Variants in DNAH5 observed in about 807,000 individuals in gnomAD.
DNAH5 encodes axonemal beta dynein heavy chain 5.
Under a neutral mutation model 518.2 loss-of-function variants are expected in DNAH5, and 372 were observed. The observed-to-expected ratio is 0.72, with a 90% confidence interval of 0.66 to 0.78. The LOEUF is 0.78. Ranked by LOEUF, DNAH5 falls within the 30% of genes least tolerant of loss-of-function variation. The probability of loss-of-function intolerance (pLI) is 0.00; values close to 1 mark genes in which losing one functional copy is unlikely to be tolerated. For synonymous variants in DNAH5, 2,039 were observed against 2,025.9 expected (o/e 1.01, Z -0.17); for missense variants, 5,523 against 5,687.0 (o/e 0.97, Z 0.93).
At chr5:13,823,689 AT>A (rs1163338742) in intron 39 of DNAH5, among the ~76,000 whole-genome samples, 1 of 152,234 alleles carries the variant, frequency 6.6e-6, no homozygotes, top group Admixed American at 6.5e-5. Flanking sequence ...ACTTAAAAGA[AT>A]TTTTAAATTA....
At chr5:13,711,302 C>T (rs1324991809) in intron 75 of DNAH5, among the ~76,000 whole-genome samples, 1 of 152,102 alleles carries the variant, frequency 6.6e-6, no homozygotes, top group East Asian at 1.9e-4. Flanking sequence ...AAAAAGCATT[C>T]AACAAAATCC....
At chr5:13,806,659 A>C (rs886531533) in intron 47 of DNAH5, among the ~76,000 whole-genome samples, 1 of 152,230 alleles carries the variant, frequency 6.6e-6, no homozygotes, top group African/African-American at 2.4e-5. Context: ...AATATGAGAG[A>C]TAATTTGCAA....
chr5:13,796,979 G>C (rs1329122556), intron 47 of DNAH5, among the ~76,000 whole-genome samples: 1 of 152,152 alleles, frequency 6.6e-6, no homozygotes, highest in Non-Finnish European at 1.5e-5. Flanking sequence ...AAATGGTGCT[G>C]GGAAAACTGG....
At chr5:13,848,739 AC>A (rs1766405440) in intron 31 of DNAH5, among the ~76,000 whole-genome samples, 1 of 152,308 alleles carries the variant, frequency 6.6e-6, no homozygotes, top group Middle Eastern at 3.4e-3. Context: ...GGCTTGCACT[AC>A]TATGAGACCC....
chr5:13,998,126 G>T (rs1397241999), intron 1 of DNAH5, among the ~76,000 whole-genome samples: 1 of 152,182 alleles, frequency 6.6e-6, no homozygotes, highest in African/African-American at 2.4e-5. Context: ...TTACAGGCGT[G>T]AGCCACCATG....
At chr5:13,894,321 AC>A (rs1773641330) in intron 16 of DNAH5, among the ~76,000 whole-genome samples, 1 of 152,178 alleles carries the variant, frequency 6.6e-6, no homozygotes, top group Admixed American at 6.5e-5. Context: ...CCAAATCTCC[AC>A]ATCTTTCAAA....
intron 53 of DNAH5, 127 bp downstream of exon 53, chr5:13,780,702 T>A (rs1754970073): frequency 9.5e-7 from 1 of 1,057,514 alleles, no homozygotes; most frequent in East Asian, 2.5e-5. Flanking sequence ...AGATGATAAG[T>A]CAACATTCAA....
intron 1 of DNAH5, among the ~76,000 whole-genome samples, 188 bp downstream of exon 1, chr5:13,944,194 C>G (rs1327897244): frequency 6.6e-6 from 1 of 152,162 alleles, no homozygotes; most frequent in Non-Finnish European, 1.5e-5. Flanking sequence ...CCTACAGATG[C>G]AAAATTTTTT....
rs1002010454 is a variant in DNAH5 at position 13,747,775 on chromosome 5, G to A, written c.11211+3303C>T. Among the ~76,000 whole-genome samples the A allele has an allele frequency of 3.5e-4, 53 of 152,232 alleles. 1 individual carries two copies. Among genetic ancestry groups the A allele is most frequent in the Non-Finnish European group, 6.3e-4 (43 of 68,010 alleles). On this transcript the variant is annotated intron_variant, in intron 65 of 78. Coordinates refer to ENST00000265104, the MANE Select transcript of DNAH5 (RefSeq NM_001369.3). ...TTTCTTTGAGTTCTTTGTAGATTCT[G>A]GATATTAGCCCTTTGTCAGATGAGT...
At chr5:13,987,893 A>G (rs1343563506) in intron 1 of DNAH5, among the ~76,000 whole-genome samples, 2 of 124,014 alleles carry the variant, frequency 1.6e-5, no homozygotes, top group Non-Finnish European at 3.4e-5. Flanking sequence ...ATTATTCAAT[A>G]GGACCCTTCA....
intron 12 of DNAH5, among the ~76,000 whole-genome samples, chr5:13,910,045 C>A (rs1580847286): frequency 6.6e-6 from 1 of 152,268 alleles, no homozygotes; most frequent in East Asian, 1.9e-4. Context: ...TCAGAATCTG[C>A]CATTACTCAT....
chr5:13,734,762 C>T (rs1747118997), intron 68 of DNAH5, among the ~76,000 whole-genome samples: 1 of 152,192 alleles, frequency 6.6e-6, no homozygotes, highest in Non-Finnish European at 1.5e-5. Flanking sequence ...GCTCCTCCCA[C>T]TTCATAATGC....
At chr5:13,964,037 G>T (rs535103765) in intron 1 of DNAH5, among the ~76,000 whole-genome samples, 1 of 152,238 alleles carries the variant, frequency 6.6e-6, no homozygotes, top group Non-Finnish European at 1.5e-5. Flanking sequence ...ACCGATCCCT[G>T]GCCACCTCTA....
rs1740667771 is a variant in DNAH5 at position 13,691,280 on chromosome 5, AT to A, written c.*703del. The A allele has an allele frequency of 6.6e-6, 1 of 152,178 alleles. No individual in the cohort carries two copies. Among genetic ancestry groups the A allele is most frequent in the Non-Finnish European group, 1.5e-5 (1 of 68,034 alleles). 9.4% of individuals were successfully genotyped at this position (152,178 alleles called of 1,614,324 possible). On this transcript the variant is annotated 3_prime_UTR_variant, in exon 79 of 79. Coordinates refer to ENST00000265104, the MANE Select transcript of DNAH5 (RefSeq NM_001369.3). ...ATCATTTTACAAAAAGGTTGGGTTG[AT>A]TTACATTGCTCCAGCAATTTGTGAG...
rs75973070 is a variant in DNAH5, at chr5:13,807,744, A to G, written c.7753-19T>C. 1.3e-6 allele frequency: 2 copies of G among 1,566,504 alleles called. No individual in the cohort carries two copies. The highest frequency in any genetic ancestry group is 4.5e-5 in the East Asian group (2 of 43,988). Reference sequence around the variant, plus strand: ...GCACAGCCTAAAATAGAGGGAATTGAAAAAAAAAGAAATGAAATAAATGAG... The same window carrying G: ...GCACAGCCTAAAATAGAGGGAATTGGAAAAAAAAGAAATGAAATAAATGAG... On this transcript the variant is annotated intron_variant, in intron 46 of 78. Coordinates refer to ENST00000265104, the MANE Select transcript of DNAH5 (RefSeq NM_001369.3).
chr5:13,793,606 AC>A lies in DNAH5; in HGVS notation c.8132del (p.Gly2711ValfsTer33). 1 of 1,614,154 alleles carries A rather than the reference AC, an allele frequency of 6.2e-7. No individual in the cohort carries two copies. The highest frequency in any genetic ancestry group is 1.1e-5 in the South Asian group (1 of 91,086). ...GTCTTTGGGGTATGTCATTGCGTCC[AC>A]CACCAGGATGGATCATGGCTGCCAA... ...QFLAAMIHPG[G>X]GRNDIPQRLK... On this transcript the variant is annotated frameshift_variant, in exon 49 of 79. Transcript: ENST00000265104. LOFTEE classifies it high-confidence loss of function.
chr5:13,832,271 T>C (rs1028300331), intron 35 of DNAH5, among the ~76,000 whole-genome samples: 2 of 152,272 alleles, frequency 1.3e-5, no homozygotes, highest in East Asian at 1.9e-4. Context: ...ACTGGGTTTA[T>C]ATTTAAACTG....
rs1326743581 is a variant in DNAH5 at position 13,735,051 on chromosome 5, C to CA, written c.11761+79dup. ...CATAATGCAAGGCAATTGTTATAACCAAAAAATGTACTGCAAAGGGCTTTC... is the reference window on the plus strand; with the variant it reads ...CATAATGCAAGGCAATTGTTATAACCAAAAAAATGTACTGCAAAGGGCTTTC... On this transcript the variant is annotated intron_variant, in intron 68 of 78. Coordinates refer to ENST00000265104, the MANE Select transcript of DNAH5 (RefSeq NM_001369.3). 2.2e-6 allele frequency: 3 copies of CA among 1,379,864 alleles called. No individual in the cohort carries two copies. The African/African-American group carries it at 4.3e-5, about 20-fold the overall frequency. The allele number at this position is 1,379,864 out of a possible 1,614,324, so 85.5% of individuals were successfully genotyped here.
chr5:13,762,464 G>T (rs1478203665), intron 60 of DNAH5, among the ~76,000 whole-genome samples: 3 of 152,110 alleles, frequency 2.0e-5, no homozygotes, highest in African/African-American at 7.2e-5. Context: ...AAAATATCGA[G>T]CAGCCCACAA....
Sources: gnomAD v4.1 joint callset for allele counts (sites outside exome capture counted in the v4.1 genomes callset) on GRCh38, gnomAD v4.1.1 for gene constraint, MANE v1.5 for transcripts, NCBI Gene and HGNC (gene_info 2026-07-23, HGNC 2026-07-21) for gene names.